The following STAG2 variants were observed in gnomAD, a reference collection of about 807,000 sequenced individuals.
STAG2 encodes the protein STAG2 cohesin complex component.
A neutral mutation model predicts 108.1 loss-of-function variants in STAG2; 14 were observed. The observed-to-expected ratio is 0.13, with a 90% confidence interval of 0.09 to 0.20. STAG2 has a LOEUF of 0.20. STAG2 is among the 10% of genes least tolerant of loss of function. STAG2 has a pLI of 1.00. For missense variants in STAG2, 440 were observed against 940.9 expected (o/e 0.47, Z 6.96); for synonymous variants, 307 against 302.7 (o/e 1.01, Z -0.15).
At chrX:124,052,096 C>G (rs1296116170) in intron 13 of STAG2, among the ~76,000 whole-genome samples, 2 of 112,203 alleles carry the variant, frequency 1.8e-5, no homozygotes, top group African/African-American at 6.5e-5. Context: ...TTTAAACAAT[C>G]TGAATTTAAG....
At chrX:124,097,480 G>A (rs867558809) in intron 34 of STAG2, among the ~76,000 whole-genome samples, 3 of 111,634 alleles carry the variant, frequency 2.7e-5, no homozygotes, top group Non-Finnish European at 3.8e-5. Context: ...AAGCAGGTGC[G>A]ATGAAATGCA....
intron 34 of STAG2, among the ~76,000 whole-genome samples, chrX:124,096,219 C>T (rs1382510105): frequency 9.0e-6 from 1 of 110,747 alleles, no homozygotes; most frequent in Non-Finnish European, 1.9e-5. Context: ...ATTCTAGCTC[C>T]TCAGCCTAGC....
At chrX:124,046,390 T>G (rs2057879080) in intron 8 of STAG2, among the ~76,000 whole-genome samples, 1 of 112,133 alleles carries the variant, frequency 8.9e-6, no homozygotes, top group Non-Finnish European at 1.9e-5. Context: ...GCAATGTCAA[T>G]AACTTGATGG....
intron 1 of STAG2, among the ~76,000 whole-genome samples, chrX:124,007,163 C>G (rs751540233): frequency 9.7e-6 from 1 of 103,548 alleles, no homozygotes; most frequent in East Asian, 3.1e-4. Context: ...CTCTCCCTTC[C>G]CCGCTTTCCT....
At chrX:124,007,554 A>C (rs1413048785) in intron 1 of STAG2, among the ~76,000 whole-genome samples, 1 of 111,818 alleles carries the variant, frequency 8.9e-6, no homozygotes, top group East Asian at 2.8e-4. Context: ...TTCCTTATTC[A>C]AAAGTTAAAA....
At chrX:123,964,987 T>G (rs2147463282) in intron 1 of STAG2, among the ~76,000 whole-genome samples, 1 of 104,786 alleles carries the variant, frequency 9.5e-6, no homozygotes, top group African/African-American at 3.5e-5. Flanking sequence ...TTGGCAGTTC[T>G]ATACTGTTCA....
chrX:124,010,359 A>C (rs1001243755), intron 1 of STAG2, among the ~76,000 whole-genome samples: 1 of 111,666 alleles, frequency 9.0e-6, no homozygotes, highest in Admixed American at 9.6e-5. Flanking sequence ...CAGATACCTC[A>C]TAAGTTGAAT....
intron 9 of STAG2, 98 bp from the exon 10 acceptor site, chrX:124,048,907 C>CTG: frequency 1.6e-6 from 1 of 620,227 alleles, no homozygotes; most frequent in East Asian, 3.5e-5. Flanking sequence ...CCCCAAAATA[C>CTG]TGGGGAATTC....
chrX:124,031,603 A>AGACG (rs1455663624), intron 5 of STAG2, among the ~76,000 whole-genome samples: 2 of 106,185 alleles, frequency 1.9e-5, no homozygotes, highest in African/African-American at 3.4e-5. Flanking sequence ...TTTTCAGTGG[A>AGACG]GACGGGGTTT....
chrX:124,024,386 C>T (rs1006143202), intron 3 of STAG2, among the ~76,000 whole-genome samples: 6 of 109,161 alleles, frequency 5.5e-5, no homozygotes, highest in Non-Finnish European at 1.1e-4. Context: ...TTTTTTTTTG[C>T]AAGACCATAT....
intron 8 of STAG2, among the ~76,000 whole-genome samples, chrX:124,046,316 G>A (rs2057876919): frequency 8.9e-6 from 1 of 111,865 alleles, no homozygotes; most frequent in Non-Finnish European, 1.9e-5. Flanking sequence ...CCCGTATGTT[G>A]TTTTTGTTTT....
intron 4 of STAG2, among the ~76,000 whole-genome samples, chrX:124,029,603 G>T (rs1331958602): frequency 1.8e-5 from 2 of 112,535 alleles, no homozygotes; most frequent in Non-Finnish European, 3.8e-5. Context: ...GAGCCACCAC[G>T]CTGGGCTGTT....
Position 124,030,762 on chromosome X carries a change from T to C in STAG2, c.124-199T>C, listed in dbSNP as rs745548571. 5.4e-5 allele frequency among the ~76,000 whole-genome samples: 6 copies of C among 111,401 alleles called. No individual in the cohort carries two copies. In the East Asian group the frequency reaches 1.7e-3, roughly 31 times the overall value. On this transcript the variant is annotated intron_variant, in intron 4 of 34. Coordinates refer to ENST00000371145, the MANE Select transcript of STAG2 (RefSeq NM_001042750.2). Reference sequence around the variant, plus strand: ...GGCTATGCTGCTAACTACTATGTCATGTGAGGCATGGTAGTATACTTGAAA... The same window carrying C: ...GGCTATGCTGCTAACTACTATGTCACGTGAGGCATGGTAGTATACTTGAAA...
intron 1 of STAG2, among the ~76,000 whole-genome samples, chrX:123,996,739 A>G (rs965529909): frequency 8.9e-6 from 1 of 111,926 alleles, no homozygotes; most frequent in South Asian, 3.7e-4. Context: ...GTTCCTTTTT[A>G]TTACTGAGTA....
intron 1 of STAG2, among the ~76,000 whole-genome samples, chrX:124,000,637 C>T (rs2055984725): frequency 9.0e-6 from 1 of 111,658 alleles, no homozygotes; most frequent in African/African-American, 3.3e-5. Context: ...GATCACACCA[C>T]TGCATTCCAC....
At chrX:124,027,711 G>A (rs1050232590) in intron 4 of STAG2, among the ~76,000 whole-genome samples, 1 of 111,840 alleles carries the variant, frequency 8.9e-6, no homozygotes, top group Non-Finnish European at 1.9e-5. Context: ...TTGAACAACT[G>A]CGTAGATGAG....
chrX:124,016,796 G>C (rs1384823772), intron 1 of STAG2, among the ~76,000 whole-genome samples: 1 of 111,823 alleles, frequency 8.9e-6, no homozygotes, highest in Admixed American at 9.5e-5. Flanking sequence ...GTGAAACCCT[G>C]TTTCTACAAA....
chrX:124,093,585 T>C (rs896969878), intron 32 of STAG2, among the ~76,000 whole-genome samples: 1 of 108,451 alleles, frequency 9.2e-6, no homozygotes, highest in Non-Finnish European at 1.9e-5. Flanking sequence ...ACTGAATGAA[T>C]GAGGGAGTGA....
intron 1 of STAG2, among the ~76,000 whole-genome samples, chrX:124,008,802 A>G (rs974738185): frequency 6.3e-4 from 71 of 112,136 alleles, no homozygotes; most frequent in Middle Eastern, 9.3e-3. Context: ...AGATCCTTGC[A>G]TATGAATAAT....
Sources: allele counts gnomAD v4.1 joint callset (sites outside exome capture counted in the v4.1 genomes callset), GRCh38; gene constraint gnomAD v4.1.1; transcripts MANE v1.5; gene names NCBI Gene and HGNC (gene_info 2026-07-23, HGNC 2026-07-21).